The following MAGI2 variants were observed in gnomAD, a reference collection of about 807,000 sequenced individuals.
MAGI2 encodes the protein membrane associated guanylate kinase, WW and PDZ domain containing 2.
A neutral mutation model predicts 133.3 loss-of-function variants in MAGI2; 35 were observed. The ratio of observed to expected loss-of-function variants is 0.26; its 90% confidence interval spans 0.20 to 0.35. The LOEUF is 0.35. Among genes scored for constraint, MAGI2 ranks in the 10% least tolerant of loss-of-function variants. The pLI is 1.00. For missense variants in MAGI2, 1,636 were observed against 1,863.4 expected (o/e 0.88, Z 2.25); for synonymous variants, 729 against 710.6 (o/e 1.03, Z -0.41).
intron 9 of MAGI2, among the ~76,000 whole-genome samples, chr7:78,266,301 A>G (rs1368578276): frequency 6.6e-6 from 1 of 152,108 alleles, no homozygotes; most frequent in East Asian, 1.9e-4. Flanking sequence ...TCAGGGTTCA[A>G]CTGATCCTCC....
intron 2 of MAGI2, among the ~76,000 whole-genome samples, chr7:78,804,761 A>AAAAAAAAAAAAC (rs1563526093): frequency 1.9e-4 from 27 of 143,600 alleles, no homozygotes; most frequent in African/African-American, 5.0e-4. Context: ...AAAAAAAAAA[A>AAAAAAAAAAAAC]AAAAAAAAAA....
At chr7:78,293,761 A>T (rs1449090119) in intron 9 of MAGI2, among the ~76,000 whole-genome samples, 1 of 152,226 alleles carries the variant, frequency 6.6e-6, no homozygotes, top group Non-Finnish European at 1.5e-5. Context: ...AGCCATAAAA[A>T]AGGATGAGTT....
intron 6 of MAGI2, among the ~76,000 whole-genome samples, chr7:78,436,015 A>G (rs1056409491): frequency 2.0e-5 from 3 of 152,166 alleles, no homozygotes; most frequent in African/African-American, 7.2e-5. Context: ...ACACAAGTAG[A>G]TATCTGGAGA....
chr7:78,116,958 A>T (rs1406472522), intron 20 of MAGI2, among the ~76,000 whole-genome samples: 1 of 151,818 alleles, frequency 6.6e-6, no homozygotes, highest in Non-Finnish European at 1.5e-5. Flanking sequence ...TAGGAAGAAA[A>T]GCAGTTTATC....
intron 6 of MAGI2, chr7:78,486,867 C>G: frequency 2.0e-6 from 1 of 503,478 alleles, no homozygotes. Context: ...ACAGAGGTGG[C>G]ACAATTGCCT....
intron 11 of MAGI2, among the ~76,000 whole-genome samples, 162 bp downstream of exon 11, chr7:78,201,000 G>A (rs1168170634): frequency 2.6e-5 from 4 of 152,160 alleles, no homozygotes; most frequent in African/African-American, 9.7e-5. Context: ...TCATGTACTT[G>A]TGGGACAGAT....
intron 2 of MAGI2, among the ~76,000 whole-genome samples, chr7:78,734,483 T>A (rs1821661535): frequency 6.6e-6 from 1 of 152,152 alleles, no homozygotes; most frequent in South Asian, 2.1e-4. Flanking sequence ...GAATATTAAT[T>A]GCATTTATGG....
At position 78,299,999 on chromosome 7, in the gene MAGI2, G is replaced by A. The variant is rs1007236523; in HGVS notation, c.1409-43418C>T. 5.9e-5 allele frequency among the ~76,000 whole-genome samples: 9 copies of A among 152,098 alleles called. No homozygotes were observed. In the East Asian group the frequency reaches 1.7e-3, roughly 29 times the overall value. ...TTGGGGTTCTGGGTGAAATTCAAGG[G>A]GTTTGTGAACTTGGATGAGAAAAAA... On this transcript the variant is annotated intron_variant, in intron 9 of 21. Transcript: ENST00000354212.
At position 79,312,843 on chromosome 7, in the gene MAGI2, T is replaced by A. The variant is rs114075518; in HGVS notation, c.301+140177A>T. 3.3e-3 allele frequency among the ~76,000 whole-genome samples: 498 copies of A among 152,288 alleles called. 2 individuals are homozygous for A. Among genetic ancestry groups the A allele is most frequent in the African/African-American group, 0.012 (481 of 41,580 alleles). On this transcript the variant is annotated intron_variant, in intron 1 of 21. Coordinates refer to ENST00000354212, the MANE Select transcript of MAGI2 (RefSeq NM_012301.4). ...TCTTATCAGAAGGTGAAATGGCAGC[T>A]GATGGTGCAGTAACAATAAAGATGC...
chr7:79,265,000 C>T (rs758063692), intron 1 of MAGI2, among the ~76,000 whole-genome samples: 2 of 152,098 alleles, frequency 1.3e-5, no homozygotes, highest in African/African-American at 4.8e-5. Flanking sequence ...CCCATGACCC[C>T]ACCACCTCCC....
At position 78,489,852 on chromosome 7, in the gene MAGI2, AGAGATCACTCT is replaced by A; in HGVS notation, c.966-23_966-13del. 2 of 1,605,506 alleles carry A rather than the reference AGAGATCACTCT, an allele frequency of 1.2e-6. No homozygotes were observed. Among genetic ancestry groups the A allele is most frequent in the Non-Finnish European group, 1.7e-6 (2 of 1,172,980 alleles). ...TCTTTGTGTTATGGCTGAAAAGAAA[AGAGATCACTCT>A]GAACAGACACATACTAAAAGGAATC... On this transcript the variant is annotated splice_polypyrimidine_tract_variant and intron_variant, in intron 5 of 21. Transcript: ENST00000354212.
chr7:79,024,498 C>T (rs28837368), intron 1 of MAGI2, among the ~76,000 whole-genome samples: 2,422 of 148,638 alleles, frequency 0.016, 49 homozygotes, highest in African/African-American at 0.051. Context: ...TTAATTAAAC[C>T]AAAGAGCTTC....
At chr7:79,003,067 A>T (rs1807057076) in intron 2 of MAGI2, among the ~76,000 whole-genome samples, 1 of 151,990 alleles carries the variant, frequency 6.6e-6, no homozygotes, top group African/African-American at 2.4e-5. Flanking sequence ...ACCTAGACTA[A>T]CCACCTTCCT....
rs1244563773 is a variant in MAGI2 at position 78,505,279 on chromosome 7, T to C, written c.755-3492A>G. Among the ~76,000 whole-genome samples, 8 of 152,278 alleles carry C rather than the reference T, an allele frequency of 5.3e-5. No homozygotes were observed. In the East Asian group the frequency reaches 1.5e-3, roughly 29 times the overall value. ...TTAGAAATACTTATCTAATATCTAA[T>C]AGAAATAAAGTATCTATTAGAAAAA... On this transcript the variant is annotated intron_variant, in intron 4 of 21. Coordinates refer to ENST00000354212, the MANE Select transcript of MAGI2 (RefSeq NM_012301.4).
chr7:78,886,180 T>C (rs1173927905), intron 2 of MAGI2, among the ~76,000 whole-genome samples: 4 of 152,224 alleles, frequency 2.6e-5, no homozygotes. Flanking sequence ...TCAAGTTGAC[T>C]TACCTATTAA....
intron 1 of MAGI2, among the ~76,000 whole-genome samples, chr7:79,009,779 CA>C (rs1201269049): frequency 3.3e-5 from 5 of 152,098 alleles, no homozygotes; most frequent in Non-Finnish European, 7.4e-5. Context: ...TGAGATGTAG[CA>C]GCCATATTCT....
At chr7:78,435,300 G>T (rs565243374) in intron 6 of MAGI2, among the ~76,000 whole-genome samples, 11 of 152,164 alleles carry the variant, frequency 7.2e-5, no homozygotes, top group African/African-American at 2.6e-4. Flanking sequence ...AAGAAGAGTT[G>T]CTCTCCCCCA....
chr7:79,093,493 A>G (rs1038548370), intron 1 of MAGI2, among the ~76,000 whole-genome samples: 2 of 152,154 alleles, frequency 1.3e-5, no homozygotes, highest in African/African-American at 2.4e-5. Flanking sequence ...TTAAGTGTGC[A>G]ATAGCATCAT....
At chr7:78,294,594 A>G (rs1358480952) in intron 9 of MAGI2, among the ~76,000 whole-genome samples, 1 of 152,142 alleles carries the variant, frequency 6.6e-6, no homozygotes, top group Non-Finnish European at 1.5e-5. Flanking sequence ...CACGTGTGGA[A>G]ACACTTAGCA....
Sources: allele counts gnomAD v4.1 joint callset (sites outside exome capture counted in the v4.1 genomes callset), GRCh38; gene constraint gnomAD v4.1.1; transcripts MANE v1.5; gene names NCBI Gene and HGNC (gene_info 2026-07-23, HGNC 2026-07-21).